Variants in RB1 observed in about 807,000 individuals in gnomAD.
RB1 encodes retinoblastoma-associated protein.
In RB1, 18 loss-of-function variants were observed where a neutral mutation model predicts 135.4. That is an observed-to-expected ratio of 0.13 (90% CI 0.09 to 0.20). The LOEUF is 0.20. Ranked by LOEUF, RB1 falls within the 10% of genes least tolerant of loss-of-function variation. The pLI, the probability that RB1 is intolerant of heterozygous loss-of-function variation, is 1.00. For missense variants in RB1, 868 were observed against 1,110.0 expected (o/e 0.78, Z 3.10); for synonymous variants, 365 against 373.2 (o/e 0.98, Z 0.25).
At chr13:48,475,709 A>C in intron 24 of RB1, among the ~76,000 whole-genome samples, 1 of 152,234 alleles carries the variant, frequency 6.6e-6, no homozygotes, top group East Asian at 1.9e-4. Flanking sequence ...GGTGAATACC[A>C]GGAGGTGGGG....
In RB1 at chr13:48,307,588, T is replaced by C. The variant is rs146247663; in HGVS notation, c.264+182T>C. On this transcript the variant is annotated intron_variant, in intron 2 of 26. Coordinates refer to ENST00000267163, the MANE Select transcript of RB1 (RefSeq NM_000321.3). ...AAATGTTTGAGGCCGGGCACGGTGG[T>C]TCATGCCTGTAATCCTACCACTTTG... 0.013 allele frequency among the ~76,000 whole-genome samples: 1,958 copies of C among 150,296 alleles called. 34 individuals carry two copies. The highest frequency in any genetic ancestry group is 0.021 in the Non-Finnish European group (1,386 of 66,870).
chr13:48,412,490 G>A, intron 17 of RB1: 1 of 1,004,156 alleles, frequency 1.0e-6, no homozygotes, highest in Non-Finnish European at 1.6e-6. Flanking sequence ...TTGGGATTCA[G>A]ATTATAACCT....
In RB1 at chr13:48,362,739, A is replaced by G; in HGVS notation, c.719-76A>G. ...ATGTTACCAAGATTATTTTTGACCT[A>G]AGTTATAGTTAGAATACTTCATTAT... is the stretch of plus-strand genomic sequence containing the variant. On this transcript the variant is annotated intron_variant, in intron 7 of 26. Transcript: ENST00000267163. 6 of 1,462,740 alleles carry G rather than the reference A, an allele frequency of 4.1e-6. No homozygotes were observed. The South Asian group carries it at 6.9e-5, about 17-fold the overall frequency. 90.6% of individuals were successfully genotyped at this position (1,462,740 alleles called of 1,614,324 possible). A position where few individuals can be genotyped will look rare whatever the true frequency, so the allele number is the denominator to read the frequency against.
At chr13:48,437,794 C>T (rs1037199996) in intron 17 of RB1, among the ~76,000 whole-genome samples, 1 of 152,198 alleles carries the variant, frequency 6.6e-6, no homozygotes, top group Non-Finnish European at 1.5e-5. Context: ...ATCACTTCTG[C>T]CCTATGTCAT....
At chr13:48,386,708 A>G (rs1236077480) in intron 17 of RB1, among the ~76,000 whole-genome samples, 5 of 152,196 alleles carry the variant, frequency 3.3e-5, no homozygotes, top group Non-Finnish European at 7.3e-5. Flanking sequence ...ACTTGTATCC[A>G]CCACTGAAAG....
chr13:48,360,191 G>C, intron 7 of RB1, 64 bp downstream of exon 7: 1 of 1,601,826 alleles, frequency 6.2e-7, no homozygotes, highest in Non-Finnish European at 8.5e-7. Flanking sequence ...AATGTCTAGT[G>C]GGTACCAAAC....
chr13:48,354,116 A>C lies in RB1; in HGVS notation c.607+5093A>C, dbSNP rs868453575. ...TAGTCAGACAAAAGATATAAAGGGAATCCAGATTGGAAAGAAAGAAGTCAA... is the reference window on the plus strand; with the variant it reads ...TAGTCAGACAAAAGATATAAAGGGACTCCAGATTGGAAAGAAAGAAGTCAA... On this transcript the variant is annotated intron_variant, in intron 6 of 26. Coordinates refer to ENST00000267163, the MANE Select transcript of RB1 (RefSeq NM_000321.3). 5.9e-5 allele frequency among the ~76,000 whole-genome samples: 9 copies of C among 152,224 alleles called. No homozygotes were observed. In the South Asian group the frequency reaches 1.7e-3, roughly 28 times the overall value.
chr13:48,309,127 A>C (rs1442176051), intron 2 of RB1, among the ~76,000 whole-genome samples: 3 of 152,232 alleles, frequency 2.0e-5, no homozygotes, highest in Non-Finnish European at 4.4e-5. Flanking sequence ...AACTTGTTAA[A>C]TAAATTAATG....
chr13:48,396,385 A>C (rs1948648423), intron 17 of RB1, among the ~76,000 whole-genome samples: 1 of 152,226 alleles, frequency 6.6e-6, no homozygotes, highest in Non-Finnish European at 1.5e-5. Flanking sequence ...TGACAAAAAC[A>C]ACCAATGGGG....
At chr13:48,456,409 T>C (rs2138331945) in intron 19 of RB1, 60 bp downstream of exon 19, 2 of 1,588,642 alleles carry the variant, frequency 1.3e-6, no homozygotes, top group East Asian at 4.6e-5. Flanking sequence ...TGGGTTCAAA[T>C]CATGTTTCTT....
At chr13:48,338,596 G>T (rs946281388) in intron 2 of RB1, among the ~76,000 whole-genome samples, 1 of 152,092 alleles carries the variant, frequency 6.6e-6, no homozygotes, top group Admixed American at 6.5e-5. Flanking sequence ...TTTTTTCAAG[G>T]TTTTTAGCTT....
At chr13:48,394,249 G>T (rs190791737) in intron 17 of RB1, among the ~76,000 whole-genome samples, 3 of 152,156 alleles carry the variant, frequency 2.0e-5, no homozygotes, top group African/African-American at 7.2e-5. Flanking sequence ...CACAGTCTTC[G>T]CAACCCACAG....
At chr13:48,353,383 AG>A (rs1952565689) in intron 6 of RB1, among the ~76,000 whole-genome samples, 1 of 152,142 alleles carries the variant, frequency 6.6e-6, no homozygotes, top group Non-Finnish European at 1.5e-5. Context: ...CAACTTACCA[AG>A]ATTGAACCAG....
Position 48,319,768 on chromosome 13 carries a change from G to A in RB1, c.264+12362G>A. 1 of 277,770 alleles carries A rather than the reference G, an allele frequency of 3.6e-6. No homozygotes were observed. Among genetic ancestry groups the A allele is most frequent in the Non-Finnish European group, 7.4e-6 (1 of 135,220 alleles). The allele number at this position is 277,770 out of a possible 1,614,324, so 17.2% of individuals were successfully genotyped here. On this transcript the variant is annotated intron_variant, in intron 2 of 26. Transcript: ENST00000267163. The surrounding 1 kb of genome is among the most constrained non-coding windows in gnomAD (Gnocchi z 5.0). ...ATTGACCCCATCACATTTTTGGGTC[G>A]CATGCTATCTCTTCTCATTCAGAAG...
intron 2 of RB1, among the ~76,000 whole-genome samples, chr13:48,338,379 T>C (rs1043027613): frequency 1.3e-5 from 2 of 152,236 alleles, no homozygotes; most frequent in African/African-American, 4.8e-5. Context: ...TATTTGTTTC[T>C]TTTTACTCTT....
intron 4 of RB1, 64 bp from the exon 5 acceptor site, chr13:48,347,761 G>T: frequency 8.8e-7 from 1 of 1,134,976 alleles, no homozygotes. Flanking sequence ...TAAAGCATGA[G>T]AAAACTACTA....
At chr13:48,409,511 C>T (rs1184465192) in intron 17 of RB1, among the ~76,000 whole-genome samples, 5 of 148,368 alleles carry the variant, frequency 3.4e-5, no homozygotes, top group Non-Finnish European at 1.5e-5. Context: ...AATTTAATTA[C>T]ATGTCCTTTT....
Position 48,381,405 on chromosome 13 carries a change from T to A in RB1, c.1657T>A (p.Cys553Ser), listed in dbSNP as rs1948534757. The change falls in exon 17 of 27, where the codon TGT becomes AGT. Residue 553 changes from cysteine (C) to serine (S), a missense_variant. Physicochemically the swap from Cys to Ser is moderately radical, Grantham distance 112. This residue lies in a region of RB1 where 641 missense variants were observed against 791.3 expected (regional missense o/e 0.81). Coordinates refer to ENST00000267163, the MANE Select transcript of RB1 (RefSeq NM_000321.3). ...AGAAATGATAAAACATTTAGAACGA[T>A]GTGAACATCGAATCATGGAATCCCT... ...TREMIKHLER[C>S]EHRIMESLAW... 2 of 1,613,752 alleles carry A rather than the reference T, an allele frequency of 1.2e-6. No homozygotes were observed. Among genetic ancestry groups the A allele is most frequent in the Non-Finnish European group, 1.7e-6 (2 of 1,179,822 alleles).
chr13:48,465,776 C>T (rs539770744), intron 23 of RB1, among the ~76,000 whole-genome samples: 6 of 151,084 alleles, frequency 4.0e-5, no homozygotes, highest in Admixed American at 2.7e-4. Flanking sequence ...GTTCCCTTTC[C>T]GAGTCAAAGA....
Sources: gnomAD v4.1 joint callset for allele counts (sites outside exome capture counted in the v4.1 genomes callset) on GRCh38, gnomAD v4.1.1 for gene constraint, gnomAD v4.1.1 regional missense constraint, Gnocchi (gnomAD v3.1) non-coding constraint, MANE v1.5 for transcripts, NCBI Gene and HGNC (gene_info 2026-07-23, HGNC 2026-07-21) for gene names.